Variants in MUCL1 observed in about 807,000 individuals in gnomAD.
MUCL1 encodes mucin-like protein 1.
In MUCL1, 11 loss-of-function variants were observed where a neutral mutation model predicts 9.2. The ratio of observed to expected loss-of-function variants is 1.19; its 90% CI spans 0.75 to 1.97. The LOEUF (loss-of-function observed/expected upper bound fraction) is 1.97. MUCL1 is among the 30% of genes most tolerant of loss of function. The pLI, the probability that MUCL1 is intolerant of heterozygous loss-of-function variation, is 0.00. For synonymous variants in MUCL1, 48 were observed against 40.5 expected (o/e 1.19, Z -0.71); for missense variants, 144 against 110.9 (o/e 1.30, Z -1.34).
At chr12:54,845,201 T>C (rs2135942452) in intron 1 of MUCL1, among the ~76,000 whole-genome samples, 1 of 19,194 alleles carries the variant, frequency 5.2e-5, no homozygotes, top group East Asian at 0.083. Flanking sequence ...AGATGGTTCA[T>C]CTTCTTAGAT....
upstream of MUCL1, among the ~76,000 whole-genome samples, chr12:54,850,914 T>G (rs1357328634): frequency 1.3e-5 from 2 of 152,240 alleles, no homozygotes; most frequent in Non-Finnish European, 2.9e-5. Flanking sequence ...TGGCCAGTGA[T>G]GGTGAGCATT....
At chr12:54,857,799 A>G (rs1330890687) in intron 3 of MUCL1, among the ~76,000 whole-genome samples, 1 of 152,166 alleles carries the variant, frequency 6.6e-6, no homozygotes, top group Non-Finnish European at 1.5e-5. Flanking sequence ...TTTTCTTCAG[A>G]TATTGCTTTA....
upstream of MUCL1, among the ~76,000 whole-genome samples, chr12:54,834,774 G>C (rs766098480): frequency 2.0e-5 from 3 of 151,764 alleles, no homozygotes; most frequent in Non-Finnish European, 4.4e-5. Context: ...TAATTTTGGG[G>C]GTAAAAGTGG....
In MUCL1 at chr12:54,858,330, T is replaced by C. The variant is rs1362931361; in HGVS notation, c.*88T>C. The C allele has an allele frequency of 1.9e-5, 27 of 1,407,678 alleles. No homozygotes were observed. The highest frequency in any genetic ancestry group is 2.5e-5 in the Non-Finnish European group (25 of 994,196). The allele number at this position is 1,407,678 out of a possible 1,614,324, so 87.2% of individuals were successfully genotyped here. ...CCAACTACTTACCTTGCCTACGATA[T>C]CCCCTTTATCTCTAATCAGTTTATT... On this transcript the variant is annotated 3_prime_UTR_variant, in exon 4 of 4. Coordinates refer to ENST00000308796, the MANE Select transcript of MUCL1 (RefSeq NM_058173.3).
intron 1 of MUCL1, among the ~76,000 whole-genome samples, chr12:54,833,833 AG>A (rs1351959555): frequency 2.4e-5 from 2 of 83,130 alleles, no homozygotes; most frequent in Non-Finnish European, 4.8e-5. Flanking sequence ...GGGTTGGGGG[AG>A]GGGGGAGGGA....
upstream of MUCL1, among the ~76,000 whole-genome samples, chr12:54,853,787 G>A (rs549221501): frequency 2.0e-5 from 3 of 151,876 alleles, no homozygotes; most frequent in East Asian, 3.9e-4. Flanking sequence ...TGCTTTGTTC[G>A]CTGTTATTTT....
At chr12:54,846,416 A>G (rs1959258029) in intron 1 of MUCL1, among the ~76,000 whole-genome samples, 1 of 152,182 alleles carries the variant, frequency 6.6e-6, no homozygotes, top group Non-Finnish European at 1.5e-5. Flanking sequence ...TGCGAAGGGG[A>G]TCAGGGAACC....
At chr12:54,849,526 T>C (rs938710681), upstream of MUCL1, among the ~76,000 whole-genome samples, 3 of 152,038 alleles carry the variant, frequency 2.0e-5, no homozygotes, top group Non-Finnish European at 2.9e-5. Flanking sequence ...TGTCATCCAT[T>C]GAATTTCACT....
intron 1 of MUCL1, among the ~76,000 whole-genome samples, chr12:54,843,938 T>C (rs887955127): frequency 6.6e-6 from 1 of 152,204 alleles, no homozygotes; most frequent in Admixed American, 6.5e-5. Flanking sequence ...GATTTTCAAA[T>C]ATTGATCCTA....
chr12:54,834,299 T>C (rs1003349377), intron 1 of MUCL1, among the ~76,000 whole-genome samples: 1 of 152,096 alleles, frequency 6.6e-6, no homozygotes, highest in African/African-American at 2.4e-5. Context: ...TTTATATGAA[T>C]CTTGAATTTA....
At position 54,854,537 on chromosome 12, in the gene MUCL1, C is replaced by CT. The variant is rs1455955584; in HGVS notation, c.-43dup. ...AGTCAGCGCCTTGCCTTCTCTTAGG[C>CT]TTTGAAGCATTTTTGTCTGTGCTCC... On this transcript the variant is annotated 5_prime_UTR_variant, in exon 1 of 4. Coordinates refer to ENST00000308796, the MANE Select transcript of MUCL1 (RefSeq NM_058173.3). 6.5e-7 allele frequency: 1 copy of CT among 1,548,976 alleles called. No individual in the cohort carries two copies. Among genetic ancestry groups the CT allele is most frequent in the South Asian group, 1.1e-5 (1 of 88,452 alleles).
upstream of MUCL1, among the ~76,000 whole-genome samples, chr12:54,835,501 A>G (rs1959191473): frequency 6.6e-6 from 1 of 151,766 alleles, no homozygotes; most frequent in South Asian, 2.1e-4. Context: ...CATTTCCCTG[A>G]TGATTAGCAA....
chr12:54,840,879 T>G (rs929797490), intron 1 of MUCL1, among the ~76,000 whole-genome samples: 7 of 152,194 alleles, frequency 4.6e-5, no homozygotes, highest in African/African-American at 1.4e-4. Flanking sequence ...ATTCCACTAG[T>G]AGCAGCTAGC....
At chr12:54,831,999 A>T (rs1959186086) in intron 1 of MUCL1, among the ~76,000 whole-genome samples, 1 of 152,128 alleles carries the variant, frequency 6.6e-6, no homozygotes, top group Admixed American at 6.6e-5. Context: ...GGAAAATAGG[A>T]TATATCTTTG....
At chr12:54,833,990 C>T (rs903120338) in intron 1 of MUCL1, among the ~76,000 whole-genome samples, 1 of 152,040 alleles carries the variant, frequency 6.6e-6, no homozygotes, top group South Asian at 2.1e-4. Context: ...GTCTACTTAA[C>T]AGTCGTTTGT....
In MUCL1 at chr12:54,854,552, G is replaced by T. The variant is rs1388977555; in HGVS notation, c.-31G>T. ...TTCTCTTAGGCTTTGAAGCATTTTT[G>T]TCTGTGCTCCCTGATCTTCAGGTCA... On this transcript the variant is annotated 5_prime_UTR_variant, in exon 1 of 4. Coordinates refer to ENST00000308796, the MANE Select transcript of MUCL1 (RefSeq NM_058173.3). The T allele has an allele frequency of 1.9e-6, 3 of 1,598,044 alleles. No individual in the cohort carries two copies. The highest frequency in any genetic ancestry group is 2.7e-5 in the African/African-American group (2 of 74,020).
intron 1 of MUCL1, among the ~76,000 whole-genome samples, chr12:54,832,348 G>A (rs777167338): frequency 6.6e-6 from 1 of 152,016 alleles, no homozygotes; most frequent in African/African-American, 2.4e-5. Flanking sequence ...GATTGTGAAA[G>A]GCTTTTCTTT....
At chr12:54,835,542 C>T (rs967866038), upstream of MUCL1, among the ~76,000 whole-genome samples, 2 of 150,426 alleles carry the variant, frequency 1.3e-5, no homozygotes, top group Non-Finnish European at 3.0e-5. Flanking sequence ...TATTTATTGG[C>T]CATTTGTATA....
At chr12:54,848,738 G>C (rs1057182996) in intron 1 of MUCL1, among the ~76,000 whole-genome samples, 2 of 152,106 alleles carry the variant, frequency 1.3e-5, no homozygotes, top group Non-Finnish European at 2.9e-5. Flanking sequence ...TGGCATAACA[G>C]TCCAGCAAAA....
Sources: gnomAD v4.1 joint callset for allele counts (sites outside exome capture counted in the v4.1 genomes callset) on GRCh38, gnomAD v4.1.1 for gene constraint, MANE v1.5 for transcripts, NCBI Gene and HGNC (gene_info 2026-07-23, HGNC 2026-07-21) for gene names.